MACROD2: variants seen among roughly 807,000 people sequenced by gnomAD.
The protein encoded by MACROD2 is mono-ADP ribosylhydrolase 2, also known as ADP-ribose glycohydrolase MACROD2.
MACROD2 carries 36 observed loss-of-function variants against 70.4 expected under a neutral mutation model. That is an observed-to-expected ratio of 0.51 (90% CI 0.39 to 0.68). The LOEUF (loss-of-function observed/expected upper bound fraction) is 0.68, where lower values mean the gene tolerates loss of function less well. Ranked by LOEUF, MACROD2 falls within the 30% of genes least tolerant of loss-of-function variation. The pLI is 0.00. For synonymous variants in MACROD2, 172 were observed against 178.8 expected, an observed-to-expected ratio of 0.96 and a Z score of 0.30; for missense variants, 496 against 538.4, an observed-to-expected ratio of 0.92 and a Z score of 0.78.
chr20:14,664,455 T>C (rs1456302676), intron 4 of MACROD2, among the ~76,000 whole-genome samples: 2 of 152,136 alleles, frequency 1.3e-5, no homozygotes, highest in Non-Finnish European at 2.9e-5. Flanking sequence ...TAACCATTGG[T>C]TGCTTTCTTT....
chr20:15,734,389 CAG>C (rs1253043810), intron 8 of MACROD2, among the ~76,000 whole-genome samples: 1 of 152,124 alleles, frequency 6.6e-6, no homozygotes, highest in African/African-American at 2.4e-5. Context: ...GTTAACAAGA[CAG>C]GGTGCAGAGA....
intron 8 of MACROD2, among the ~76,000 whole-genome samples, chr20:15,590,130 G>A (rs1401040517): frequency 6.6e-6 from 1 of 152,140 alleles, no homozygotes; most frequent in African/African-American, 2.4e-5. Context: ...ATAAAGGGAT[G>A]GAATATGAAA....
At chr20:15,202,652 C>T (rs2076666684) in intron 5 of MACROD2, among the ~76,000 whole-genome samples, 1 of 152,158 alleles carries the variant, frequency 6.6e-6, no homozygotes. Flanking sequence ...ACCTATCTTG[C>T]TGGGTTCCTA....
intron 6 of MACROD2, among the ~76,000 whole-genome samples, chr20:15,430,569 T>C (rs1011340358): frequency 1.3e-5 from 2 of 151,938 alleles, no homozygotes; most frequent in African/African-American, 4.8e-5. Context: ...AAAGCCTAAT[T>C]TAGAGTAAAA....
intron 3 of MACROD2, among the ~76,000 whole-genome samples, chr20:14,388,170 C>T (rs1052574465): frequency 4.6e-5 from 7 of 151,944 alleles, no homozygotes; most frequent in African/African-American, 9.6e-5. Context: ...CCACCACGCC[C>T]GGCTAATTTT....
chr20:14,256,622 C>T (rs188978900), intron 3 of MACROD2, among the ~76,000 whole-genome samples: 257 of 152,220 alleles, frequency 1.7e-3, no homozygotes, highest in African/African-American at 6.0e-3. Context: ...GCCTTCATTT[C>T]TTGAGATGCT....
intron 3 of MACROD2, among the ~76,000 whole-genome samples, chr20:14,301,711 A>G (rs1282587151): frequency 6.6e-6 from 1 of 152,192 alleles, no homozygotes; most frequent in African/African-American, 2.4e-5. Context: ...GAAAATTATT[A>G]TTGCTGTCCC....
At chr20:15,076,355 A>T (rs1023459619) in intron 5 of MACROD2, among the ~76,000 whole-genome samples, 1 of 152,166 alleles carries the variant, frequency 6.6e-6, no homozygotes, top group Admixed American at 6.5e-5. Flanking sequence ...TTTATAATAA[A>T]ACATTGTCTG....
intron 7 of MACROD2, among the ~76,000 whole-genome samples, chr20:15,467,066 C>T (rs6079846): frequency 0.69 from 104,499 of 152,066 alleles, 36,456 homozygotes; most frequent in East Asian, 0.93. Context: ...CTGACATCCA[C>T]TCAGGAGAAA....
At chr20:15,481,006 A>C (rs935358937) in intron 7 of MACROD2, among the ~76,000 whole-genome samples, 1 of 152,174 alleles carries the variant, frequency 6.6e-6, no homozygotes, top group Non-Finnish European at 1.5e-5. Context: ...ACATCTATGG[A>C]AATCCTATTT....
chr20:15,315,535 T>C (rs539848821), intron 6 of MACROD2, among the ~76,000 whole-genome samples: 1 of 152,272 alleles, frequency 6.6e-6, no homozygotes, highest in South Asian at 2.1e-4. Context: ...CAAAATGATA[T>C]ATTTAAAGTA....
intron 16 of MACROD2, 121 bp downstream of exon 16, chr20:16,041,399 A>C: frequency 1.3e-6 from 1 of 754,452 alleles, no homozygotes; most frequent in South Asian, 2.2e-5. Flanking sequence ...GAACACAGTA[A>C]ATTTCAAAAA....
At chr20:14,824,570 T>A (rs1053118745) in intron 5 of MACROD2, among the ~76,000 whole-genome samples, 1 of 152,050 alleles carries the variant, frequency 6.6e-6, no homozygotes, top group East Asian at 1.9e-4. Flanking sequence ...CTGGGAGGTC[T>A]CAATTCTCCT....
At chr20:14,968,803 T>C (rs2074662520) in intron 5 of MACROD2, among the ~76,000 whole-genome samples, 2 of 152,202 alleles carry the variant, frequency 1.3e-5, no homozygotes, top group Non-Finnish European at 1.5e-5. Context: ...CAAGTAAAAC[T>C]TGCTGGTCAT....
At chr20:14,139,434 T>C (rs2054840946) in intron 3 of MACROD2, among the ~76,000 whole-genome samples, 1 of 152,196 alleles carries the variant, frequency 6.6e-6, no homozygotes, top group African/African-American at 2.4e-5. Flanking sequence ...AAAACCTATG[T>C]TTTTAACTGT....
At chr20:14,579,831 T>C (rs1980888706) in intron 4 of MACROD2, among the ~76,000 whole-genome samples, 1 of 152,200 alleles carries the variant, frequency 6.6e-6, no homozygotes, top group African/African-American at 2.4e-5. Flanking sequence ...AGTAGTTGTA[T>C]TGTTGATTTA....
At chr20:15,202,791 A>G (rs377514027) in intron 5 of MACROD2, among the ~76,000 whole-genome samples, 256 of 152,294 alleles carry the variant, frequency 1.7e-3, no homozygotes, top group South Asian at 0.017. Context: ...AGTTCCAGCC[A>G]TCATCAGGTT....
intron 4 of MACROD2, among the ~76,000 whole-genome samples, chr20:14,684,116 C>A (rs376122591): frequency 1.6e-4 from 24 of 152,294 alleles, no homozygotes; most frequent in East Asian, 1.2e-3. Context: ...ACAAAGCCTG[C>A]CCTTCTGGCA....
At chr20:16,005,213 G>C (rs2066771930) in intron 15 of MACROD2, among the ~76,000 whole-genome samples, 1 of 152,150 alleles carries the variant, frequency 6.6e-6, no homozygotes, top group African/African-American at 2.4e-5. Context: ...TGCTCAACTT[G>C]CGGAAGTTCC....
Sources: allele counts gnomAD v4.1 joint callset (sites outside exome capture counted in the v4.1 genomes callset), GRCh38; gene constraint gnomAD v4.1.1; transcripts MANE v1.5; gene names NCBI Gene and HGNC (gene_info 2026-07-23, HGNC 2026-07-21).